ARHGEF16: variants seen among roughly 807,000 people sequenced by gnomAD.
ARHGEF16 encodes Rho guanine exchange factor (GEF) 16.
Under a neutral mutation model 74.1 loss-of-function variants are expected in ARHGEF16, and 59 were observed. The observed-to-expected ratio is 0.80, with a 90% CI of 0.65 to 0.99. ARHGEF16 has a LOEUF of 0.99. ARHGEF16 is among the 50% of genes least tolerant of loss of function. ARHGEF16 has a pLI of 0.00. For missense variants in ARHGEF16, 948 were observed against 986.6 expected (o/e 0.96, Z 0.52); for synonymous variants, 415 against 412.6 (o/e 1.01, Z -0.07).
chr1:3,459,341 A>G (rs996996480), intron 1 of ARHGEF16, among the ~76,000 whole-genome samples: 2 of 152,172 alleles, frequency 1.3e-5, no homozygotes, highest in Admixed American at 1.3e-4. Context: ...TTCCCCAGCA[A>G]CTCTGACAAC....
At chr1:3,469,386 C>A in intron 5 of ARHGEF16, 47 bp from the exon 6 acceptor site, 1 of 1,604,724 alleles carries the variant, frequency 6.2e-7, no homozygotes, top group East Asian at 2.2e-5. Flanking sequence ...CCGAGGCACG[C>A]CCGTGTCCAG....
chr1:3,461,853 G>A (rs1352343968), intron 1 of ARHGEF16, among the ~76,000 whole-genome samples: 1 of 152,200 alleles, frequency 6.6e-6, no homozygotes, highest in Non-Finnish European at 1.5e-5. Flanking sequence ...AGACGCAGAG[G>A]CAGGTCGAGA....
intron 10 of ARHGEF16, among the ~76,000 whole-genome samples, chr1:3,476,410 C>T (rs549317612): frequency 2.6e-5 from 4 of 152,222 alleles, no homozygotes; most frequent in Non-Finnish European, 5.9e-5. Context: ...TGCCTGGGGC[C>T]AGCGCTCCTT....
At chr1:3,454,995 G>A (rs1051546093) in intron 1 of ARHGEF16, among the ~76,000 whole-genome samples, 184 bp downstream of exon 1, 1 of 151,998 alleles carries the variant, frequency 6.6e-6, no homozygotes, top group African/African-American at 2.4e-5. Flanking sequence ...CCGCCGGGGC[G>A]GGAGAGGCGG....
chr1:3,473,607 G>A, intron 8 of ARHGEF16, 85 bp downstream of exon 8: 4 of 1,575,252 alleles, frequency 2.5e-6, no homozygotes, highest in Non-Finnish European at 3.4e-6. Flanking sequence ...AGCATTACGT[G>A]CTTGTGACCT....
chr1:3,459,799 C>T (rs1448606379), intron 1 of ARHGEF16, among the ~76,000 whole-genome samples: 2 of 152,160 alleles, frequency 1.3e-5, no homozygotes, highest in East Asian at 3.9e-4. Flanking sequence ...GGCTCAGCGC[C>T]TTCTGCCGGC....
Position 3,473,377 on chromosome 1 carries a change from C to T in ARHGEF16, c.1176-16C>T, listed in dbSNP as rs746995440. On this transcript the variant is annotated splice_polypyrimidine_tract_variant and intron_variant, in intron 7 of 14. Transcript: ENST00000378378. Reference sequence around the variant, plus strand: ...GGCCATGCAGAGCCTGGAAGGACAGCCTTGTCCTCTTGCAGAAGCAGCAAC... The same window carrying T: ...GGCCATGCAGAGCCTGGAAGGACAGTCTTGTCCTCTTGCAGAAGCAGCAAC... 1 of 1,597,540 alleles carries T rather than the reference C, an allele frequency of 6.3e-7. No individual in the cohort carries two copies. The highest frequency in any genetic ancestry group is 1.3e-5 in the African/African-American group (1 of 74,794).
chr1:3,466,110 G>A, intron 2 of ARHGEF16, 38 bp from the exon 3 acceptor site: 2 of 1,547,402 alleles, frequency 1.3e-6, no homozygotes, highest in Non-Finnish European at 1.7e-6. Flanking sequence ...ACCTGCCCCG[G>A]CTGACAGCTG....
At chr1:3,476,209 CTGGTGGCTCTGGTCT>C in intron 10 of ARHGEF16, 147 bp downstream of exon 10, 5 of 778,714 alleles carry the variant, frequency 6.4e-6, no homozygotes, top group Non-Finnish European at 1.0e-5. Context: ...CCTCCTAGGG[CTGGTGGCTCTGGTCT>C]CTCCAGGCCT....
chr1:3,457,826 A>G (rs2100729590), intron 1 of ARHGEF16, among the ~76,000 whole-genome samples: 1 of 152,312 alleles, frequency 6.6e-6, no homozygotes, highest in South Asian at 2.1e-4. Flanking sequence ...CTCATGCCCC[A>G]TAACTATATG....
chr1:3,458,256 C>T (rs962450000), intron 1 of ARHGEF16, among the ~76,000 whole-genome samples: 2 of 152,130 alleles, frequency 1.3e-5, no homozygotes, highest in African/African-American at 4.8e-5. Flanking sequence ...CCTGCGGCTC[C>T]CTCTGCCCTG....
At position 3,479,906 on chromosome 1, in the gene ARHGEF16, G is replaced by C. The variant is rs550462828; in HGVS notation, c.1983G>C (p.Gln661His). 1.4e-5 allele frequency: 22 copies of C among 1,612,216 alleles called. No homozygotes were observed. The highest frequency in any genetic ancestry group is 1.9e-5 in the Non-Finnish European group (22 of 1,179,882). Residue 661 changes from glutamine to histidine, a missense_variant, in exon 14 of 15, where the codon CAG (glutamine) becomes CAC (histidine). Coordinates refer to ENST00000378378, the MANE Select transcript of ARHGEF16 (RefSeq NM_014448.4). Reference sequence around the variant, plus strand: ...CGGACGTGGTCCTGGTTCTGCAGCAGGAGGATGGTGAGTGCAGGGGCGTTG... The same window carrying C: ...CGGACGTGGTCCTGGTTCTGCAGCACGAGGATGGTGAGTGCAGGGGCGTTG... ...QQADVVLVLQ[Q>H]EDGWLYGERL...
chr1:3,464,441 G>A (rs564981806), intron 2 of ARHGEF16, among the ~76,000 whole-genome samples: 162 of 152,286 alleles, frequency 1.1e-3, no homozygotes, highest in African/African-American at 3.8e-3. Context: ...TGCGACTCTG[G>A]CCACCCTGCT....
At chr1:3,470,851 C>T (rs1161064950) in intron 6 of ARHGEF16, among the ~76,000 whole-genome samples, 37 of 95,440 alleles carry the variant, frequency 3.9e-4, no homozygotes, top group African/African-American at 1.5e-3. Context: ...TGTGCGTGGA[C>T]AGGTGTGTGT....
chr1:3,478,193 G>A (rs904413428), intron 11 of ARHGEF16, 167 bp downstream of exon 11: 14 of 1,042,168 alleles, frequency 1.3e-5, no homozygotes, highest in African/African-American at 4.8e-5. Context: ...GGCAGGTGGC[G>A]CTCGCTGTGC....
chr1:3,473,393 A>T lies in ARHGEF16; in HGVS notation c.1176A>T (p.Ile392=), dbSNP rs1382906338. ...GAAGGACAGCCTTGTCCTCTTGCAG[A>T]AGCAGCAACGCCGCCTTCCGAGAGG... ...VYQQRTLQKL[I]SSNAAFREAL... is the part of the protein sequence containing the mutation. The change falls in exon 8 of 15, where the codon ATA becomes ATT. Residue 392 remains isoleucine (I), a splice_region_variant and synonymous_variant. Transcript: ENST00000378378. 1.2e-6 allele frequency: 2 copies of T among 1,603,910 alleles called. No homozygotes were observed. The highest frequency in any genetic ancestry group is 2.7e-5 in the African/African-American group (2 of 74,802).
Position 3,463,304 on chromosome 1 carries a change from A to G in ARHGEF16, c.220A>G (p.Ser74Gly), listed in dbSNP as rs1458057326. 4 of 1,550,116 alleles carry G rather than the reference A, an allele frequency of 2.6e-6. No homozygotes were observed. The highest frequency in any genetic ancestry group is 2.6e-6 in the Non-Finnish European group (3 of 1,146,846). The stretch of plus-strand genomic sequence containing the variant: ...CGAGGAGCCATGGCCCATCGTCCTG[A>G]GCACAGAGAGCCCGGCGGCCCTCAA... ...GHEEPWPIVL[S>G]TESPAALKLG... Residue 74 changes from serine (S) to glycine (G), a missense_variant, in exon 2 of 15, where the codon AGC (serine) becomes GGC (glycine). Physicochemically the swap from Ser to Gly is moderately conservative, Grantham distance 56. Coordinates refer to ENST00000378378, the MANE Select transcript of ARHGEF16 (RefSeq NM_014448.4).
At chr1:3,476,966 C>T (rs941263227) in intron 10 of ARHGEF16, among the ~76,000 whole-genome samples, 1 of 152,054 alleles carries the variant, frequency 6.6e-6, no homozygotes, top group African/African-American at 2.4e-5. Flanking sequence ...GGTGTAACGC[C>T]TGCCCCTGCC....
At chr1:3,468,749 C>T (rs1417448148) in intron 4 of ARHGEF16, 131 bp from the exon 5 acceptor site, 12 of 959,468 alleles carry the variant, frequency 1.3e-5, no homozygotes, top group African/African-American at 4.9e-5. Context: ...ACTCCAGGAT[C>T]GGACCTACCT....
Sources: gnomAD v4.1 joint callset for allele counts (sites outside exome capture counted in the v4.1 genomes callset) on GRCh38, gnomAD v4.1.1 for gene constraint, MANE v1.5 for transcripts, NCBI Gene and HGNC (gene_info 2026-07-23, HGNC 2026-07-21) for gene names.